TEF: variants seen among roughly 807,000 people sequenced by gnomAD.
TEF encodes the protein TEF transcription factor, PAR bZIP family member.
TEF carries 3 observed loss-of-function variants against 20.8 expected under a neutral mutation model. The observed-to-expected ratio is 0.14, with a 90% confidence interval of 0.07 to 0.37. The LOEUF (loss-of-function observed/expected upper bound fraction) is 0.37, where lower values mean the gene tolerates loss of function less well. Ranked by LOEUF, TEF falls within the 10% of genes least tolerant of loss-of-function variation. The pLI is 1.00. For synonymous variants in TEF, 180 were observed against 171.1 expected (o/e 1.05, Z -0.41); for missense variants, 296 against 397.9 (o/e 0.74, Z 2.18).
chr22:41,383,826 C>T (rs958647841), intron 1 of TEF, among the ~76,000 whole-genome samples: 4 of 152,204 alleles, frequency 2.6e-5, no homozygotes, highest in African/African-American at 9.7e-5. Context: ...CTTCTCCTGC[C>T]TCCTTTGATC....
At chr22:41,381,428 G>A (rs1386414460), upstream of TEF, among the ~76,000 whole-genome samples, 3 of 151,954 alleles carry the variant, frequency 2.0e-5, no homozygotes, top group Non-Finnish European at 4.4e-5. Flanking sequence ...GACCAGACTC[G>A]GCTGCGGCTC....
chr22:41,379,702 CAAAAATACAAAATTAACCCCGTCTCTACT>C (rs2036990091), upstream of TEF, among the ~76,000 whole-genome samples: 1 of 151,448 alleles, frequency 6.6e-6, no homozygotes, highest in African/African-American at 2.4e-5. Context: ...CCGTCTCTAC[CAAAAATACAAAATTAACCCCGTCTCTACT>C]AAAAATACAA....
chr22:41,394,903 C>T (rs186933503), intron 3 of TEF, among the ~76,000 whole-genome samples: 1 of 152,342 alleles, frequency 6.6e-6, no homozygotes, highest in Admixed American at 6.5e-5. Context: ...CTGAACCTCC[C>T]TCCCGGGGAG....
chr22:41,370,120 CTT>C (rs762993542), intron 1 of TEF: 630 of 777,380 alleles, frequency 8.1e-4, no homozygotes, highest in Middle Eastern at 1.3e-3. Flanking sequence ...CTCTTTCCCC[CTT>C]TTTTTTTTTT....
chr22:41,372,390 C>A (rs1394818154), intron 1 of TEF, among the ~76,000 whole-genome samples: 1 of 152,218 alleles, frequency 6.6e-6, no homozygotes, highest in Non-Finnish European at 1.5e-5. Flanking sequence ...CCTGACTTGA[C>A]AGCCACTGTC....
intron 1 of TEF, chr22:41,370,115 TC>T (rs201183003): frequency 5.2e-6 from 5 of 968,182 alleles, no homozygotes; most frequent in Middle Eastern, 1.1e-3. Context: ...ATTTTCTCTT[TC>T]CCCCTTTTTT....
At chr22:41,387,820 C>T in intron 2 of TEF, 152 bp downstream of exon 2, 2 of 770,636 alleles carry the variant, frequency 2.6e-6, no homozygotes, top group South Asian at 3.7e-5. Context: ...TCACTCCCCA[C>T]CCTTCCACAC....
intron 2 of TEF, among the ~76,000 whole-genome samples, chr22:41,388,667 T>G (rs2037129174): frequency 6.6e-6 from 1 of 152,008 alleles, no homozygotes; most frequent in South Asian, 2.1e-4. Flanking sequence ...TCCTTTTACA[T>G]TTTATCTCTG....
In TEF at chr22:41,382,036, C is replaced by G. The variant is rs1320461207; in HGVS notation, c.-9C>G. ...GGAGGCGAGGTGCGCGAGCCGAGTC[C>G]GGGGCACGATGTCCGACGCGGGCGG... On this transcript the variant is annotated 5_prime_UTR_variant, in exon 1 of 4. Transcript: ENST00000266304. The G allele has an allele frequency of 8.1e-7, 1 of 1,230,038 alleles. No individual in the cohort carries two copies. The highest frequency in any genetic ancestry group is 1.6e-5 in the African/African-American group (1 of 64,170). 76.2% of individuals were successfully genotyped at this position (1,230,038 alleles called of 1,614,324 possible).
At chr22:41,380,813 G>A (rs1441560937), upstream of TEF, among the ~76,000 whole-genome samples, 1 of 152,188 alleles carries the variant, frequency 6.6e-6, no homozygotes, top group Non-Finnish European at 1.5e-5. Context: ...TAAGAGAGGA[G>A]GTGGTTCTCC....
chr22:41,391,406 A>C (rs1470522443), intron 2 of TEF, among the ~76,000 whole-genome samples: 1 of 148,950 alleles, frequency 6.7e-6, no homozygotes, highest in Non-Finnish European at 1.5e-5. Context: ...GCTCGCTGCG[A>C]CCTCTGCCTC....
At chr22:41,391,321 A>ATCT (rs986855026) in intron 2 of TEF, among the ~76,000 whole-genome samples, 1 of 146,788 alleles carries the variant, frequency 6.8e-6, no homozygotes, top group Non-Finnish European at 1.5e-5. Flanking sequence ...GCATTGCAGG[A>ATCT]TCTTCTTTTC....
At chr22:41,389,388 A>G (rs1040756065) in intron 2 of TEF, among the ~76,000 whole-genome samples, 1 of 151,922 alleles carries the variant, frequency 6.6e-6, no homozygotes, top group Admixed American at 6.6e-5. Flanking sequence ...GCGACAGAGC[A>G]AGACTCCATC....
chr22:41,380,466 C>T (rs2037002709), upstream of TEF, among the ~76,000 whole-genome samples: 2 of 152,208 alleles, frequency 1.3e-5, no homozygotes. Flanking sequence ...CAGCAAAATT[C>T]TGATTGCATC....
At chr22:41,385,274 C>T (rs566739367) in intron 1 of TEF, among the ~76,000 whole-genome samples, 2 of 152,136 alleles carry the variant, frequency 1.3e-5, no homozygotes, top group African/African-American at 2.4e-5. Flanking sequence ...GCAGGAGAAT[C>T]GCTTGAACAC....
At chr22:41,377,213 C>T (rs1224210242), upstream of TEF, 1 of 152,170 alleles carries the variant, frequency 6.6e-6, no homozygotes, top group African/African-American at 2.4e-5. Flanking sequence ...GCATGTCATC[C>T]TTGCACAGGG....
intron 2 of TEF, among the ~76,000 whole-genome samples, chr22:41,388,695 T>C (rs2037129531): frequency 6.6e-6 from 1 of 152,126 alleles, no homozygotes; most frequent in Admixed American, 6.6e-5. Context: ...GTTTTCATGC[T>C]CCTTGGACAC....
chr22:41,389,987 C>T (rs1054292304), intron 2 of TEF, among the ~76,000 whole-genome samples: 6 of 151,828 alleles, frequency 4.0e-5, no homozygotes, highest in African/African-American at 1.5e-4. Context: ...GCAACCTCCG[C>T]CTCCTGGGTT....
intron 1 of TEF, among the ~76,000 whole-genome samples, chr22:41,374,421 G>A (rs2036915965): frequency 6.6e-6 from 1 of 151,896 alleles, no homozygotes; most frequent in Non-Finnish European, 1.5e-5. Flanking sequence ...GCGTGGTGGC[G>A]GGCACCTGTA....
Sources: gnomAD v4.1 joint callset for allele counts (sites outside exome capture counted in the v4.1 genomes callset) on GRCh38, gnomAD v4.1.1 for gene constraint, MANE v1.5 for transcripts, NCBI Gene and HGNC (gene_info 2026-07-23, HGNC 2026-07-21) for gene names.